The following ZFPM2 variants were observed in gnomAD, a reference collection of about 807,000 sequenced individuals.
The protein encoded by ZFPM2 is zinc finger protein ZFPM2.
Under a neutral mutation model 98.6 loss-of-function variants are expected in ZFPM2, and 20 were observed. The observed-to-expected ratio is 0.20, with a 90% CI of 0.14 to 0.29. The LOEUF is 0.29. ZFPM2 is among the 10% of genes least tolerant of loss of function. ZFPM2 has a pLI of 1.00. For missense variants in ZFPM2, 1,310 were observed against 1,388.6 expected (o/e 0.94, Z 0.90); for synonymous variants, 518 against 502.7 (o/e 1.03, Z -0.41).
At chr8:105,496,434 A>G (rs555398122) in intron 3 of ZFPM2, among the ~76,000 whole-genome samples, 4 of 152,166 alleles carry the variant, frequency 2.6e-5, no homozygotes, top group African/African-American at 4.8e-5. Flanking sequence ...CTGTCTCTAA[A>G]TTTGGGTTTG....
intron 5 of ZFPM2, among the ~76,000 whole-genome samples, chr8:105,713,056 T>A (rs1486754665): frequency 1.3e-5 from 2 of 152,104 alleles, no homozygotes; most frequent in African/African-American, 4.8e-5. Flanking sequence ...TATCCAGTAA[T>A]AGGATTGCTG....
At chr8:105,567,014 G>A (rs1480956426) in intron 4 of ZFPM2, among the ~76,000 whole-genome samples, 3 of 152,094 alleles carry the variant, frequency 2.0e-5, no homozygotes, top group Non-Finnish European at 4.4e-5. Flanking sequence ...AAAGTTTTAA[G>A]ATAGTCATCT....
chr8:105,388,005 G>A (rs1811035757), intron 1 of ZFPM2: 1 of 152,160 alleles, frequency 6.6e-6, no homozygotes, highest in Admixed American at 6.5e-5. Context: ...TTTACTTCCA[G>A]TCTTAGAAAT....
At chr8:105,360,407 C>G (rs2129756908) in intron 1 of ZFPM2, among the ~76,000 whole-genome samples, 1 of 152,166 alleles carries the variant, frequency 6.6e-6, no homozygotes, top group East Asian at 1.9e-4. Flanking sequence ...GAATTGCATA[C>G]TTATCACATT....
At chr8:105,672,374 TTC>T (rs1586188269) in intron 5 of ZFPM2, among the ~76,000 whole-genome samples, 5 of 151,912 alleles carry the variant, frequency 3.3e-5, no homozygotes, top group East Asian at 3.9e-4. Context: ...TTCAACATTT[TTC>T]TCTGTTTTCA....
chr8:105,510,591 C>T (rs556139094), intron 3 of ZFPM2, among the ~76,000 whole-genome samples: 45 of 152,246 alleles, frequency 3.0e-4, no homozygotes, highest in African/African-American at 8.2e-4. Flanking sequence ...CCCTAATTCA[C>T]AGTAAAGGTC....
At chr8:105,370,633 T>A (rs2129811672) in intron 1 of ZFPM2, among the ~76,000 whole-genome samples, 1 of 152,330 alleles carries the variant, frequency 6.6e-6, no homozygotes, top group East Asian at 1.9e-4. Flanking sequence ...ACTGGTTAAA[T>A]TAATGGGATT....
intron 1 of ZFPM2, among the ~76,000 whole-genome samples, chr8:105,368,459 G>T (rs1190794123): frequency 6.6e-6 from 1 of 152,144 alleles, no homozygotes; most frequent in Non-Finnish European, 1.5e-5. Flanking sequence ...CAATCAGACT[G>T]AATTAGCTGT....
chr8:105,768,933 A>AC (rs549731531), intron 5 of ZFPM2, among the ~76,000 whole-genome samples: 23 of 151,096 alleles, frequency 1.5e-4, no homozygotes, highest in East Asian at 9.8e-4. Context: ...AGATCCAGAA[A>AC]CCCCCCCATG....
chr8:105,551,953 T>TTG (rs1814863806), intron 3 of ZFPM2, among the ~76,000 whole-genome samples: 1 of 76,068 alleles, frequency 1.3e-5, no homozygotes, highest in African/African-American at 1.5e-4. Context: ...TTGTGATAAG[T>TTG]TCTAAGTGAA....
intron 3 of ZFPM2, among the ~76,000 whole-genome samples, chr8:105,547,946 C>T (rs977928944): frequency 6.6e-6 from 1 of 151,746 alleles, no homozygotes; most frequent in Admixed American, 6.6e-5. Flanking sequence ...GATATATAGT[C>T]ATGAAACAAT....
At chr8:105,767,289 A>G (rs1221993771) in intron 5 of ZFPM2, among the ~76,000 whole-genome samples, 1 of 151,994 alleles carries the variant, frequency 6.6e-6, no homozygotes, top group African/African-American at 2.4e-5. Context: ...TATTCATTTC[A>G]TTGTTGTAAA....
chr8:105,778,892 ATC>A (rs1277652771), intron 5 of ZFPM2, among the ~76,000 whole-genome samples: 6 of 137,292 alleles, frequency 4.4e-5, no homozygotes, highest in Non-Finnish European at 7.5e-5. Flanking sequence ...AGAAACTGTC[ATC>A]TTTTTTTTTT....
chr8:105,607,013 A>G (rs572353392), intron 4 of ZFPM2, among the ~76,000 whole-genome samples: 1 of 152,256 alleles, frequency 6.6e-6, no homozygotes, highest in South Asian at 2.1e-4. Context: ...CACTCTCTTC[A>G]TAAGACCATA....
chr8:105,518,634 G>A (rs1256682162), intron 3 of ZFPM2, among the ~76,000 whole-genome samples: 5 of 152,192 alleles, frequency 3.3e-5, no homozygotes, highest in Non-Finnish European at 7.3e-5. Context: ...TGGCCTGAAA[G>A]GAGGTGTTTT....
chr8:105,605,762 A>G (rs1816185021), intron 4 of ZFPM2, among the ~76,000 whole-genome samples: 1 of 152,104 alleles, frequency 6.6e-6, no homozygotes, highest in Non-Finnish European at 1.5e-5. Context: ...GTGCAACACT[A>G]TATCTAGCTG....
At chr8:105,517,707 C>CCACACA (rs1554613621) in intron 3 of ZFPM2, among the ~76,000 whole-genome samples, 3,911 of 124,940 alleles carry the variant, frequency 0.031, 87 homozygotes, top group South Asian at 0.072. Flanking sequence ...CACACACACA[C>CCACACA]CACACACACA....
chr8:105,606,331 T>C (rs1190920813), intron 4 of ZFPM2, among the ~76,000 whole-genome samples: 1 of 152,062 alleles, frequency 6.6e-6, no homozygotes, highest in Admixed American at 6.6e-5. Context: ...TCTTCTTCTA[T>C]ATACGTTCAG....
chr8:105,761,558 C>T (rs186879611), intron 5 of ZFPM2, among the ~76,000 whole-genome samples: 28 of 151,856 alleles, frequency 1.8e-4, no homozygotes, highest in Admixed American at 1.4e-3. Flanking sequence ...TGGGAAGGAA[C>T]TAAGGATAAT....
Sources: allele counts gnomAD v4.1 joint callset (sites outside exome capture counted in the v4.1 genomes callset), GRCh38; gene constraint gnomAD v4.1.1; transcripts MANE v1.5; gene names NCBI Gene and HGNC (gene_info 2026-07-23, HGNC 2026-07-21).